The following CRYBB3 variants were observed in gnomAD, a reference collection of about 807,000 sequenced individuals.
CRYBB3 encodes the protein crystallin beta B3, also known as beta-crystallin B3.
CRYBB3 carries 35 observed loss-of-function variants against 28.3 expected under a neutral mutation model. The ratio of observed to expected loss-of-function variants is 1.24; its 90% CI spans 0.95 to 1.64. The LOEUF is 1.64. Ranked by LOEUF, CRYBB3 falls within the 40% of genes most tolerant of loss-of-function variation. CRYBB3 has a pLI of 0.00. For synonymous variants in CRYBB3, 106 were observed against 110.4 expected (o/e 0.96, Z 0.25); for missense variants, 296 against 297.4 (o/e 1.00, Z 0.04).
intron 1 of CRYBB3, among the ~76,000 whole-genome samples, chr22:25,201,077 C>T (rs745738493): frequency 5.3e-5 from 8 of 152,098 alleles, no homozygotes; most frequent in Non-Finnish European, 1.2e-4. Flanking sequence ...GAAAAGGGCA[C>T]GGGCTTTGGA....
At chr22:25,203,952 C>A (rs1257353494) in intron 4 of CRYBB3, 57 bp downstream of exon 4, 1 of 1,609,908 alleles carries the variant, frequency 6.2e-7, no homozygotes. Context: ...GCACTGAGAG[C>A]TGGTCAGGCA....
At chr22:25,200,214 C>T (rs1205381893) in intron 1 of CRYBB3, among the ~76,000 whole-genome samples, 3 of 152,008 alleles carry the variant, frequency 2.0e-5, no homozygotes, top group African/African-American at 4.8e-5. Context: ...CCGAGAGTCC[C>T]CTGTGAGCTG....
chr22:25,205,649 C>T (rs1312576183), intron 5 of CRYBB3, among the ~76,000 whole-genome samples: 5 of 151,944 alleles, frequency 3.3e-5, no homozygotes, highest in South Asian at 2.1e-4. Context: ...TTAGTAGAGA[C>T]GGGGTTTCAC....
intron 2 of CRYBB3, 120 bp downstream of exon 2, chr22:25,201,591 A>G: frequency 6.8e-7 from 1 of 1,478,090 alleles, no homozygotes; most frequent in Non-Finnish European, 9.0e-7. Flanking sequence ...CCAGGCCAGG[A>G]CAAAACGCTC....
chr22:25,206,538 C>G (rs1374895720), intron 5 of CRYBB3, among the ~76,000 whole-genome samples: 1 of 152,062 alleles, frequency 6.6e-6, no homozygotes, highest in East Asian at 1.9e-4. Flanking sequence ...AGCGAAACTC[C>G]ATCTAAAAAA....
Position 25,202,788 on chromosome 22 carries a change from G to T in CRYBB3, c.190G>T (p.Gly64Trp). ...EKVGSIQVES[G>W]PWLAFESRAF... is the part of the protein sequence containing the mutation. ...GGTGGGCTCCATCCAAGTGGAGTCC[G>T]GGCCGTGAGTACCTAGACCCCCAGT... The change falls in exon 3 of 6, where the codon GGG becomes TGG. Residue 64 changes from glycine to tryptophan, a missense_variant. Transcript: ENST00000215855. The T allele has an allele frequency of 6.2e-7, 1 of 1,613,820 alleles. No individual in the cohort carries two copies. Among genetic ancestry groups the T allele is most frequent in the Non-Finnish European group, 8.5e-7 (1 of 1,179,970 alleles).
chr22:25,203,495 G>A (rs758122272), intron 3 of CRYBB3, among the ~76,000 whole-genome samples: 10 of 152,186 alleles, frequency 6.6e-5, no homozygotes, highest in Non-Finnish European at 1.0e-4. Context: ...ACTGTGTACC[G>A]GGCATTGTGC....
chr22:25,205,053 A>G (rs1935007284), intron 4 of CRYBB3, among the ~76,000 whole-genome samples, 167 bp from the exon 5 acceptor site: 1 of 152,082 alleles, frequency 6.6e-6, no homozygotes, highest in Non-Finnish European at 1.5e-5. Context: ...TCCCTCCTAC[A>G]GTGAATTTGG....
intron 5 of CRYBB3, among the ~76,000 whole-genome samples, chr22:25,206,246 CT>C (rs1434494638): frequency 1.3e-5 from 1 of 78,584 alleles, no homozygotes; most frequent in Non-Finnish European, 2.3e-5. Context: ...GGCACATCCT[CT>C]GGCCCTCAAA....
chr22:25,205,903 C>T (rs1415853509), intron 5 of CRYBB3, among the ~76,000 whole-genome samples: 7 of 152,164 alleles, frequency 4.6e-5, no homozygotes, highest in Non-Finnish European at 1.0e-4. Context: ...TTAAACATCC[C>T]CACACCCTTG....
intron 5 of CRYBB3, among the ~76,000 whole-genome samples, chr22:25,206,275 GGCTCACGCCT>G: frequency 6.6e-6 from 1 of 152,276 alleles, no homozygotes; most frequent in Middle Eastern, 3.4e-3. Context: ...CGTAGTCTGG[GGCTCACGCCT>G]GTAATCCCAG....
At chr22:25,200,214 C>A (rs1205381893) in intron 1 of CRYBB3, among the ~76,000 whole-genome samples, 1 of 152,008 alleles carries the variant, frequency 6.6e-6, no homozygotes, top group Non-Finnish European at 1.5e-5. Context: ...CCGAGAGTCC[C>A]CTGTGAGCTG....
Position 25,205,208 on chromosome 22 carries a change from T to C in CRYBB3, c.328-12T>C, listed in dbSNP as rs1489807551. 3.1e-6 allele frequency: 5 copies of C among 1,613,628 alleles called. No individual in the cohort carries two copies. The highest frequency in any genetic ancestry group is 2.5e-6 in the Non-Finnish European group (3 of 1,179,796). On this transcript the variant is annotated splice_polypyrimidine_tract_variant and intron_variant, in intron 4 of 5. Coordinates refer to ENST00000215855, the MANE Select transcript of CRYBB3 (RefSeq NM_004076.5). The stretch of plus-strand genomic sequence containing the variant: ...ATGGGAGCAGCCGCTCACCCCACGA[T>C]ATTGCCCTCAGGATAGTCCACATCA...
rs891445627 is a variant in CRYBB3, at chr22:25,207,037, C to A, written c.471-10C>A. 3 of 1,610,408 alleles carry A rather than the reference C, an allele frequency of 1.9e-6. No individual in the cohort carries two copies. In the East Asian group the frequency reaches 6.7e-5, roughly 36 times the overall value. ...AGACCGTCCACATCTCAACCTTGGT[C>A]TCCCGGCAGGTGGGTTGGCTATGAG... On this transcript the variant is annotated splice_polypyrimidine_tract_variant and intron_variant, in intron 5 of 5. Transcript: ENST00000215855.
intron 1 of CRYBB3, among the ~76,000 whole-genome samples, 168 bp from the exon 2 acceptor site, chr22:25,201,209 C>G (rs955881242): frequency 4.6e-5 from 7 of 152,148 alleles, no homozygotes; most frequent in Non-Finnish European, 8.8e-5. Flanking sequence ...GTCCACGTGG[C>G]CCATGGCAGG....
chr22:25,204,319 ATTTG>A (rs1210283484), intron 4 of CRYBB3, among the ~76,000 whole-genome samples: 4 of 152,092 alleles, frequency 2.6e-5, no homozygotes, highest in East Asian at 3.9e-4. Flanking sequence ...CTTTTTATTT[ATTTG>A]TTTATTTATT....
intron 1 of CRYBB3, among the ~76,000 whole-genome samples, chr22:25,200,519 A>G (rs915601351): frequency 2.0e-5 from 3 of 152,152 alleles, no homozygotes; most frequent in African/African-American, 7.2e-5. Context: ...TAGTGACCAT[A>G]GAAACTTTTG....
At chr22:25,201,492 C>G in intron 2 of CRYBB3, 21 bp downstream of exon 2, 2 of 1,610,978 alleles carry the variant, frequency 1.2e-6, no homozygotes, top group South Asian at 1.1e-5. Context: ...GGGAGGGGGT[C>G]AGAGGGCCCA....
intron 4 of CRYBB3, among the ~76,000 whole-genome samples, 185 bp downstream of exon 4, chr22:25,204,080 T>A (rs1246823584): frequency 1.3e-5 from 2 of 152,058 alleles, no homozygotes; most frequent in Non-Finnish European, 2.9e-5. Flanking sequence ...GAAGGGACAT[T>A]CGGTTGGGGA....
Sources: gnomAD v4.1 joint callset for allele counts (sites outside exome capture counted in the v4.1 genomes callset) on GRCh38, gnomAD v4.1.1 for gene constraint, MANE v1.5 for transcripts, NCBI Gene and HGNC (gene_info 2026-07-23, HGNC 2026-07-21) for gene names.